Variants in DNAJC3 observed in about 807,000 individuals in gnomAD.
DNAJC3 encodes the protein dnaJ homolog subfamily C member 3.
Under a neutral mutation model 68.6 loss-of-function variants are expected in DNAJC3, and 38 were observed. The ratio of observed to expected loss-of-function variants is 0.55; its 90% CI spans 0.43 to 0.73. The LOEUF is 0.73. Among genes scored for constraint, DNAJC3 ranks in the 30% least tolerant of loss-of-function variants. The pLI is 0.00. For synonymous variants in DNAJC3, 203 were observed against 204.0 expected, an observed-to-expected ratio of 1.00 and a Z score of 0.04; for missense variants, 526 against 591.9, an observed-to-expected ratio of 0.89 and a Z score of 1.16.
intron 9 of DNAJC3, among the ~76,000 whole-genome samples, chr13:95,766,788 G>A (rs543411956): frequency 2.0e-5 from 3 of 151,370 alleles, no homozygotes; most frequent in African/African-American, 7.3e-5. Context: ...TCCGCCTTCC[G>A]GGTCCCGGTT....
In DNAJC3 at chr13:95,704,851, G is replaced by GTTTTTTTTTTTT. The variant is rs1193979630; in HGVS notation, c.83-4369_83-4358dup. 2.9e-4 allele frequency among the ~76,000 whole-genome samples: 28 copies of GTTTTTTTTTTTT among 97,816 alleles called. 2 individuals are homozygous for GTTTTTTTTTTTT. Among genetic ancestry groups the GTTTTTTTTTTTT allele is most frequent in the East Asian group, 1.1e-3 (4 of 3,670 alleles). The allele number at this position is 97,816 out of a possible 152,430, so 64.2% of individuals were successfully genotyped here. A position where few individuals can be genotyped will look rare whatever the true frequency, so the allele number is the denominator to read the frequency against. ...AGAAAGGACTAATCTGTGTGTGTGT[G>GTTTTTTTTTTTT]TTTTTTTTTTTTTTTTTTGAGACAG... On this transcript the variant is annotated intron_variant, in intron 1 of 11. Transcript: ENST00000602402.
intron 1 of DNAJC3, among the ~76,000 whole-genome samples, chr13:95,690,599 C>G (rs1880206231): frequency 6.6e-6 from 1 of 150,848 alleles, no homozygotes; most frequent in Non-Finnish European, 1.5e-5. Context: ...GACGGGGCGA[C>G]TGGCCAGGCG....
chr13:95,753,658 A>C (rs1882559185), intron 4 of DNAJC3, among the ~76,000 whole-genome samples: 1 of 152,224 alleles, frequency 6.6e-6, no homozygotes, highest in African/African-American at 2.4e-5. Context: ...CTAGGACCTT[A>C]ATCACTGTAA....
Position 95,779,766 on chromosome 13 carries a change from A to G in DNAJC3, c.1076-6173A>G, listed in dbSNP as rs1040098182. ...TTGGATTAAGTTACATAATTTGTCTATGATGCTTGCCCAGAATTTCCTCTG... is the reference window on the plus strand; with the variant it reads ...TTGGATTAAGTTACATAATTTGTCTGTGATGCTTGCCCAGAATTTCCTCTG... On this transcript the variant is annotated intron_variant, in intron 9 of 11. Transcript: ENST00000602402. 1.9e-4 allele frequency among the ~76,000 whole-genome samples: 29 copies of G among 152,272 alleles called. 1 individual carries two copies. The highest frequency in any genetic ancestry group is 1.6e-3 in the Admixed American group (25 of 15,296).
intron 1 of DNAJC3, among the ~76,000 whole-genome samples, chr13:95,699,993 AT>A (rs982902917): frequency 6.6e-6 from 1 of 151,976 alleles, no homozygotes; most frequent in Non-Finnish European, 1.5e-5. Context: ...CATTTTTAAA[AT>A]TTTTTGTAGA....
At chr13:95,779,277 C>T (rs1380467563) in intron 9 of DNAJC3, among the ~76,000 whole-genome samples, 1 of 151,896 alleles carries the variant, frequency 6.6e-6, no homozygotes, top group Non-Finnish European at 1.5e-5. Context: ...GCGCCCGCCA[C>T]CATACCCGGC....
rs1882869197 is a variant in DNAJC3, at chr13:95,762,973, CA to C, written c.849-669del. ...GTGTTTTAATACATTGGCATATTTA[CA>C]TATGAAGATTGTAGCACTTTGGGAA... On this transcript the variant is annotated intron_variant, in intron 7 of 11. Transcript: ENST00000602402. Among the ~76,000 whole-genome samples the C allele has an allele frequency of 2.0e-5, 3 of 152,214 alleles. 1 individual carries two copies. The highest frequency in any genetic ancestry group is 7.2e-5 in the African/African-American group (3 of 41,458).
intron 5 of DNAJC3, among the ~76,000 whole-genome samples, chr13:95,758,755 T>C (rs2139673834): frequency 6.6e-6 from 1 of 152,368 alleles, no homozygotes; most frequent in African/African-American, 2.4e-5. Flanking sequence ...TACTGAAATA[T>C]TCAAATGGAA....
chr13:95,753,237 A>G (rs1882538473), intron 4 of DNAJC3, among the ~76,000 whole-genome samples: 1 of 152,172 alleles, frequency 6.6e-6, no homozygotes, highest in African/African-American at 2.4e-5. Context: ...AGGTAATCAA[A>G]ACACAAGGAT....
At chr13:95,742,109 C>T (rs961008707) in intron 4 of DNAJC3, among the ~76,000 whole-genome samples, 6 of 152,178 alleles carry the variant, frequency 3.9e-5, no homozygotes, top group African/African-American at 1.2e-4. Context: ...GGAGCACACA[C>T]TTTGTCCCTA....
At chr13:95,772,525 A>G (rs1479267784) in intron 9 of DNAJC3, among the ~76,000 whole-genome samples, 1 of 152,228 alleles carries the variant, frequency 6.6e-6, no homozygotes, top group Non-Finnish European at 1.5e-5. Flanking sequence ...GCATCCTTGC[A>G]AACATTTTGT....
intron 2 of DNAJC3, among the ~76,000 whole-genome samples, chr13:95,716,361 C>A (rs929806799): frequency 6.6e-6 from 1 of 152,098 alleles, no homozygotes; most frequent in African/African-American, 2.4e-5. Context: ...TCCGGCCCCA[C>A]GGCAATGTCT....
At chr13:95,777,692 T>A (rs149683761) in intron 9 of DNAJC3, among the ~76,000 whole-genome samples, 48 of 152,242 alleles carry the variant, frequency 3.2e-4, no homozygotes, top group Non-Finnish European at 5.3e-4. Flanking sequence ...TTGACAGAAT[T>A]GAAGCAAAAA....
chr13:95,789,975 T>C (rs2139701581), intron 11 of DNAJC3, among the ~76,000 whole-genome samples: 1 of 152,308 alleles, frequency 6.6e-6, no homozygotes, highest in Middle Eastern at 3.4e-3. Context: ...TTTAATGGGG[T>C]TGTTTTCTTG....
intron 7 of DNAJC3, among the ~76,000 whole-genome samples, chr13:95,761,125 G>A (rs9516616): frequency 3.1e-4 from 47 of 152,144 alleles, no homozygotes; most frequent in Non-Finnish European, 6.2e-4. Context: ...ATAGCATTGC[G>A]TGGGAGACAA....
chr13:95,733,177 CT>C (rs907593154), intron 4 of DNAJC3, among the ~76,000 whole-genome samples: 2 of 152,026 alleles, frequency 1.3e-5, no homozygotes, highest in African/African-American at 4.8e-5. Context: ...TTATAGCCAA[CT>C]TTTTTTGTTG....
At chr13:95,789,151 A>T (rs1248882742) in intron 11 of DNAJC3, among the ~76,000 whole-genome samples, 2 of 152,126 alleles carry the variant, frequency 1.3e-5, no homozygotes, top group Non-Finnish European at 2.9e-5. Context: ...CTATATGCTA[A>T]GTCTTTTTAT....
intron 2 of DNAJC3, among the ~76,000 whole-genome samples, chr13:95,720,065 ATG>A (rs1221035744): frequency 1.1e-4 from 16 of 152,262 alleles, no homozygotes; most frequent in African/African-American, 3.9e-4. Context: ...TGTGGAACCC[ATG>A]GATACAGAGG....
At chr13:95,711,551 T>C (rs117248092) in intron 2 of DNAJC3, among the ~76,000 whole-genome samples, 3,559 of 151,640 alleles carry the variant, frequency 0.023, 54 homozygotes, top group Non-Finnish European at 0.037. Context: ...GGCATAATTA[T>C]AAGAACATAC....
Sources: gnomAD v4.1 joint callset for allele counts (sites outside exome capture counted in the v4.1 genomes callset) on GRCh38, gnomAD v4.1.1 for gene constraint, MANE v1.5 for transcripts, NCBI Gene and HGNC (gene_info 2026-07-23, HGNC 2026-07-21) for gene names.